The following ATXN1 variants were observed in gnomAD, a reference collection of about 807,000 sequenced individuals.
ATXN1 encodes ataxin 1.
Under a neutral mutation model 56.4 loss-of-function variants are expected in ATXN1, and 8 were observed. That is an observed-to-expected ratio of 0.14 (90% CI 0.08 to 0.26). The LOEUF (loss-of-function observed/expected upper bound fraction) is 0.26, where lower values mean the gene tolerates loss of function less well. Ranked by LOEUF, ATXN1 falls within the 10% of genes least tolerant of loss-of-function variation. The pLI is 1.00. For synonymous variants in ATXN1, 514 were observed against 494.6 expected, an observed-to-expected ratio of 1.04 and a Z score of -0.52; for missense variants, 987 against 1,106.5, an observed-to-expected ratio of 0.89 and a Z score of 1.53.
At chr6:16,448,505 T>G (rs1440984087) in intron 6 of ATXN1, among the ~76,000 whole-genome samples, 2 of 152,230 alleles carry the variant, frequency 1.3e-5, no homozygotes, top group African/African-American at 4.8e-5. Context: ...TATGTACTAT[T>G]GAATCCTAAA....
At chr6:16,454,947 C>T (rs2113617586) in intron 6 of ATXN1, among the ~76,000 whole-genome samples, 1 of 152,182 alleles carries the variant, frequency 6.6e-6, no homozygotes, top group Middle Eastern at 3.4e-3. Context: ...GATAAGCTCA[C>T]CTTCAGGGGG....
chr6:16,491,907 C>T (rs966926902), intron 5 of ATXN1, among the ~76,000 whole-genome samples: 19 of 152,128 alleles, frequency 1.2e-4, no homozygotes, highest in Non-Finnish European at 5.9e-5. Context: ...TGGCAAGGAA[C>T]TGAAGGTGAA....
At chr6:16,667,726 C>T (rs942808049) in intron 2 of ATXN1, among the ~76,000 whole-genome samples, 11 of 152,208 alleles carry the variant, frequency 7.2e-5, no homozygotes, top group Admixed American at 3.9e-4. Flanking sequence ...TTTTGAAGTG[C>T]TTTCTAAACG....
At chr6:16,445,630 G>A (rs1385180164) in intron 6 of ATXN1, among the ~76,000 whole-genome samples, 2 of 150,412 alleles carry the variant, frequency 1.3e-5, no homozygotes, top group South Asian at 2.1e-4. Context: ...CCATTACCTC[G>A]TCATCTAGCA....
At chr6:16,674,167 T>C (rs1328162700) in intron 2 of ATXN1, among the ~76,000 whole-genome samples, 1 of 152,088 alleles carries the variant, frequency 6.6e-6, no homozygotes, top group Non-Finnish European at 1.5e-5. Context: ...ACAGGACTTT[T>C]TTTTAAAATG....
chr6:16,747,101 A>G (rs1350826036), intron 2 of ATXN1, among the ~76,000 whole-genome samples: 1 of 152,224 alleles, frequency 6.6e-6, no homozygotes, highest in Non-Finnish European at 1.5e-5. Context: ...TATTTTCAAA[A>G]GATCATTAAA....
At chr6:16,368,343 C>CTTCTTTTTTTTTTTTTTTTTTT (rs1354007963) in intron 6 of ATXN1, among the ~76,000 whole-genome samples, 8 of 75,866 alleles carry the variant, frequency 1.1e-4, no homozygotes, top group African/African-American at 3.1e-4. Context: ...ACTTCTTCTT[C>CTTCTTTTTTTTTTTTTTTTTTT]TTTTTTTTTT....
intron 3 of ATXN1, among the ~76,000 whole-genome samples, chr6:16,595,625 C>T (rs952306942): frequency 2.0e-4 from 31 of 152,210 alleles, no homozygotes; most frequent in Admixed American, 1.4e-3. Flanking sequence ...CCATTATGGT[C>T]TCTTTCTTAC....
At chr6:16,566,870 CAA>C (rs1762239719) in intron 4 of ATXN1, among the ~76,000 whole-genome samples, 1 of 151,858 alleles carries the variant, frequency 6.6e-6, no homozygotes, top group South Asian at 2.1e-4. Context: ...ACAACAACAA[CAA>C]CAACAACAAC....
chr6:16,643,736 G>A (rs568880454), intron 3 of ATXN1, among the ~76,000 whole-genome samples: 7 of 151,948 alleles, frequency 4.6e-5, no homozygotes, highest in Admixed American at 2.6e-4. Context: ...AAAGTGAGGG[G>A]AAATCAACTC....
chr6:16,594,083 G>T (rs574511419), intron 3 of ATXN1, among the ~76,000 whole-genome samples: 1 of 148,584 alleles, frequency 6.7e-6, no homozygotes, highest in Admixed American at 6.8e-5. Flanking sequence ...ATATATATTA[G>T]TCTACAGGGA....
At chr6:16,563,557 G>T (rs1436840725) in intron 4 of ATXN1, among the ~76,000 whole-genome samples, 1 of 152,174 alleles carries the variant, frequency 6.6e-6, no homozygotes, top group Non-Finnish European at 1.5e-5. Flanking sequence ...GAGTTCTGAG[G>T]AAGAGAGGGA....
intron 6 of ATXN1, among the ~76,000 whole-genome samples, chr6:16,361,793 C>T (rs1761813360): frequency 6.6e-6 from 1 of 152,152 alleles, no homozygotes; most frequent in African/African-American, 2.4e-5. Context: ...GGAATCATTA[C>T]ATTTGATTTT....
chr6:16,313,868 T>C (rs981785159), intron 7 of ATXN1, among the ~76,000 whole-genome samples: 1 of 152,170 alleles, frequency 6.6e-6, no homozygotes, highest in African/African-American at 2.4e-5. Flanking sequence ...ACCTGGCCTG[T>C]TAATGAAATT....
intron 6 of ATXN1, among the ~76,000 whole-genome samples, chr6:16,482,899 C>T (rs1207607231): frequency 6.6e-6 from 1 of 152,088 alleles, no homozygotes. Flanking sequence ...GTAAAATAAA[C>T]GTTCAATTGG....
At chr6:16,411,645 C>A (rs1758803014) in intron 6 of ATXN1, among the ~76,000 whole-genome samples, 1 of 152,110 alleles carries the variant, frequency 6.6e-6, no homozygotes, top group Admixed American at 6.6e-5. Context: ...AGATGAGGAT[C>A]ATTGAAGACG....
Position 16,623,719 on chromosome 6 carries a change from T to C in ATXN1, c.-489+34057A>G, listed in dbSNP as rs528664246. Among the ~76,000 whole-genome samples, 5 of 152,368 alleles carry C rather than the reference T, an allele frequency of 3.3e-5. No homozygotes were observed. In the East Asian group the frequency reaches 7.7e-4, roughly 23 times the overall value. On this transcript the variant is annotated intron_variant, in intron 3 of 7. Transcript: ENST00000436367. ...TCCCATTTAGTTCATGGCATTTTTA[T>C]AACGGGACTTGCCAGATAAGAAGCA...
At chr6:16,574,427 T>C (rs967910059) in intron 4 of ATXN1, among the ~76,000 whole-genome samples, 5 of 152,210 alleles carry the variant, frequency 3.3e-5, no homozygotes, top group Admixed American at 2.0e-4. Flanking sequence ...CAGGGTGGTC[T>C]CGAACTCCCG....
At chr6:16,759,974 C>T (rs543604454) in intron 1 of ATXN1, among the ~76,000 whole-genome samples, 39 of 152,154 alleles carry the variant, frequency 2.6e-4, no homozygotes, top group South Asian at 6.2e-4. Flanking sequence ...TCGCCCCCCG[C>T]CCGGCGCGCG....
Sources: allele counts gnomAD v4.1 joint callset (sites outside exome capture counted in the v4.1 genomes callset), GRCh38; gene constraint gnomAD v4.1.1; transcripts MANE v1.5; gene names NCBI Gene and HGNC (gene_info 2026-07-23, HGNC 2026-07-21).